The following CSMD2 variants were observed in gnomAD, a reference collection of about 807,000 sequenced individuals.
CSMD2 encodes the protein CUB and sushi domain-containing protein 2.
In CSMD2, 130 loss-of-function variants were observed where a neutral mutation model predicts 398.5. That is an observed-to-expected ratio of 0.33 (90% CI 0.28 to 0.38). CSMD2 has a LOEUF of 0.38. Among genes scored for constraint, CSMD2 ranks in the 10% least tolerant of loss-of-function variants. The probability of loss-of-function intolerance (pLI) is 1.00; values close to 1 mark genes in which losing one functional copy is unlikely to be tolerated. For missense variants in CSMD2, 3,829 were observed against 4,764.9 expected (o/e 0.80, Z 5.78); for synonymous variants, 1,828 against 1,908.5 (o/e 0.96, Z 1.10).
intron 1 of CSMD2, among the ~76,000 whole-genome samples, chr1:34,141,608 G>A (rs1347158760): frequency 1.3e-5 from 2 of 152,216 alleles, no homozygotes; most frequent in Non-Finnish European, 2.9e-5. Flanking sequence ...AGGAACAGCA[G>A]AGAAGCCACT....
intron 19 of CSMD2, among the ~76,000 whole-genome samples, chr1:33,722,898 C>T (rs1035821874): frequency 1.3e-5 from 2 of 152,110 alleles, no homozygotes; most frequent in Non-Finnish European, 2.9e-5. Flanking sequence ...CTTGAGAATG[C>T]TTGAGGTATA....
intron 46 of CSMD2, among the ~76,000 whole-genome samples, chr1:33,586,010 T>C (rs1253884888): frequency 6.6e-6 from 1 of 152,230 alleles, no homozygotes; most frequent in African/African-American, 2.4e-5. Context: ...TGGAGACTAT[T>C]TTTTGATCTT....
intron 44 of CSMD2, chr1:33,599,353 T>C (rs1031088239): frequency 1.5e-4 from 23 of 152,234 alleles, no homozygotes; most frequent in Non-Finnish European, 2.6e-4. Flanking sequence ...AGCCTGTCAA[T>C]ATCTAGATAT....
intron 13 of CSMD2, among the ~76,000 whole-genome samples, chr1:33,763,600 A>C (rs570915): frequency 0.31 from 46,815 of 152,042 alleles, 7,767 homozygotes; most frequent in South Asian, 0.45. Flanking sequence ...GTGTTGACTA[A>C]TTCCTTGGAC....
chr1:33,569,677 T>G, intron 51 of CSMD2, 130 bp from the exon 52 acceptor site: 1 of 886,814 alleles, frequency 1.1e-6, no homozygotes, highest in Admixed American at 2.7e-5. Flanking sequence ...GACCAGAATA[T>G]GGGTTGTGTT....
At chr1:33,803,833 G>T (rs191182277) in intron 10 of CSMD2, among the ~76,000 whole-genome samples, 1 of 152,176 alleles carries the variant, frequency 6.6e-6, no homozygotes, top group Non-Finnish European at 1.5e-5. Context: ...AGATCTTCCT[G>T]CTATTGCTTT....
rs541090152 is a variant in CSMD2 at position 33,890,749 on chromosome 1, A to G, written c.920+27345T>C. ...CCCTCAGAAATAACGCTGCATATCTACAACTATCTGATTTTTGACAAACCT... is the reference window on the plus strand; with the variant it reads ...CCCTCAGAAATAACGCTGCATATCTGCAACTATCTGATTTTTGACAAACCT... On this transcript the variant is annotated intron_variant, in intron 5 of 70. Transcript: ENST00000373381. Among the ~76,000 whole-genome samples the G allele has an allele frequency of 3.3e-5, 5 of 151,834 alleles. No individual in the cohort carries two copies. The South Asian group carries it at 1.1e-3, about 32-fold the overall frequency.
intron 27 of CSMD2, among the ~76,000 whole-genome samples, chr1:33,654,144 G>T (rs1278284402): frequency 6.6e-6 from 1 of 152,116 alleles, no homozygotes; most frequent in Non-Finnish European, 1.5e-5. Context: ...TTTGTTCCAT[G>T]GGAAAATATA....
At chr1:34,143,987 A>G (rs965149515) in intron 1 of CSMD2, among the ~76,000 whole-genome samples, 2 of 152,226 alleles carry the variant, frequency 1.3e-5, no homozygotes, top group African/African-American at 4.8e-5. Context: ...TTACTCTTCC[A>G]GGGGACAATG....
chr1:34,137,115 T>C (rs1283400963), intron 1 of CSMD2, among the ~76,000 whole-genome samples: 2 of 151,996 alleles, frequency 1.3e-5, no homozygotes, highest in African/African-American at 2.4e-5. Flanking sequence ...ATCAATGCTC[T>C]CTAGCAATCC....
intron 3 of CSMD2, 71 bp from the exon 4 acceptor site, chr1:33,936,025 A>G: frequency 1.5e-6 from 2 of 1,373,784 alleles, no homozygotes; most frequent in Non-Finnish European, 2.0e-6. Flanking sequence ...CGGGCTTCCT[A>G]GTAGCAACTC....
chr1:34,086,338 C>T (rs1417283449), intron 2 of CSMD2, among the ~76,000 whole-genome samples: 2 of 152,228 alleles, frequency 1.3e-5, no homozygotes, highest in African/African-American at 4.8e-5. Context: ...AGGCACCATC[C>T]AGTCCTAGTC....
At chr1:33,983,151 C>CCT (rs1646231224) in intron 3 of CSMD2, among the ~76,000 whole-genome samples, 1 of 152,112 alleles carries the variant, frequency 6.6e-6, no homozygotes, top group Admixed American at 6.5e-5. Context: ...TGACAAGGGC[C>CCT]CTCTGCAGAG....
intron 1 of CSMD2, among the ~76,000 whole-genome samples, chr1:34,140,215 C>G (rs1434496911): frequency 6.7e-6 from 1 of 150,318 alleles, no homozygotes; most frequent in East Asian, 2.0e-4. Flanking sequence ...GGGGCCTTCT[C>G]TGAGGAAGTG....
At position 33,829,824 on chromosome 1, in the gene CSMD2, C is replaced by T. The variant is rs180680676; in HGVS notation, c.1034-4050G>A. ...CCACCCGAATACTGCGCTTTTCCAA[C>T]GGGCTTAGGAAATGGCACACCAGGA... On this transcript the variant is annotated intron_variant, in intron 6 of 70. Coordinates refer to ENST00000373381, the MANE Select transcript of CSMD2 (RefSeq NM_001281956.2). Among the ~76,000 whole-genome samples the T allele has an allele frequency of 2.5e-3, 348 of 139,278 alleles. 4 individuals carry two copies. Among genetic ancestry groups the T allele is most frequent in the South Asian group, 0.021 (91 of 4,278 alleles). 91.4% of individuals were successfully genotyped at this position (139,278 alleles called of 152,430 possible).
intron 1 of CSMD2, among the ~76,000 whole-genome samples, chr1:34,097,416 T>C (rs1659449372): frequency 1.0e-5 from 1 of 99,772 alleles, no homozygotes; most frequent in African/African-American, 4.1e-5. Flanking sequence ...ACAAATGGGA[T>C]CTAATTAAAC....
At chr1:33,643,143 G>A (rs907363712) in intron 29 of CSMD2, among the ~76,000 whole-genome samples, 1 of 152,170 alleles carries the variant, frequency 6.6e-6, no homozygotes, top group African/African-American at 2.4e-5. Context: ...GGCCAATTCT[G>A]CTTTTCCTGA....
Position 33,624,960 on chromosome 1 carries a change from T to G in CSMD2, c.5500+91A>C. 4.6e-6 allele frequency: 6 copies of G among 1,309,144 alleles called. No individual in the cohort carries two copies. The South Asian group carries it at 6.2e-5, about 13-fold the overall frequency. 81.1% of individuals were successfully genotyped at this position (1,309,144 alleles called of 1,614,324 possible). ...GGTGGGAAGCGGCTGCTGTGTGTCG[T>G]GGGGCATCACTGGGGCTGACTGCCT... On this transcript the variant is annotated intron_variant, in intron 34 of 70. Coordinates refer to ENST00000373381, the MANE Select transcript of CSMD2 (RefSeq NM_001281956.2). This position sits in a 1 kb window ranked among gnomAD's most constrained non-coding sequence, Gnocchi z 4.7.
intron 15 of CSMD2, among the ~76,000 whole-genome samples, chr1:33,735,331 G>GT (rs1646851098): frequency 6.6e-6 from 1 of 152,188 alleles, no homozygotes; most frequent in Non-Finnish European, 1.5e-5. Flanking sequence ...AGGTGACACT[G>GT]TAAGACACTT....
Sources: allele counts gnomAD v4.1 joint callset (sites outside exome capture counted in the v4.1 genomes callset), GRCh38; gene constraint gnomAD v4.1.1; non-coding constraint Gnocchi (gnomAD v3.1); transcripts MANE v1.5; gene names NCBI Gene and HGNC (gene_info 2026-07-23, HGNC 2026-07-21).